Variants in NUP155 observed in about 807,000 individuals in gnomAD.
NUP155 encodes nuclear pore complex protein Nup155.
NUP155 carries 71 observed loss-of-function variants against 180.4 expected under a neutral mutation model. The ratio of observed to expected loss-of-function variants is 0.39; its 90% CI spans 0.33 to 0.48. NUP155 has a LOEUF of 0.48. Among genes scored for constraint, NUP155 ranks in the 20% least tolerant of loss-of-function variants. NUP155 has a pLI of 0.91. For missense variants in NUP155, 1,553 were observed against 1,648.9 expected, an observed-to-expected ratio of 0.94 and a Z score of 1.01; for synonymous variants, 582 against 559.5, an observed-to-expected ratio of 1.04 and a Z score of -0.57.
At position 37,337,801 on chromosome 5, in the gene NUP155, T is replaced by C. The variant is rs769760663; in HGVS notation, c.1347+17A>G. ...AAATTATATAATAGTTTTTTCAGAA[T>C]TGTCAGGATAACTTACCTGGGTTTC... On this transcript the variant is annotated intron_variant, in intron 12 of 34. Transcript: ENST00000231498. 1.3e-5 allele frequency: 19 copies of C among 1,467,052 alleles called. No individual in the cohort carries two copies. The highest frequency in any genetic ancestry group is 1.8e-5 in the Non-Finnish European group (19 of 1,047,032). The allele number at this position is 1,467,052 out of a possible 1,614,324, so 90.9% of individuals were successfully genotyped here. A position where few individuals can be genotyped will look rare whatever the true frequency, so the allele number is the denominator to read the frequency against.
chr5:37,295,837 G>A (rs1742515081), intron 32 of NUP155, among the ~76,000 whole-genome samples: 1 of 151,292 alleles, frequency 6.6e-6, no homozygotes, highest in Non-Finnish European at 1.5e-5. Flanking sequence ...GAAGTGAGGA[G>A]CCCCTCCGCC....
intron 3 of NUP155, among the ~76,000 whole-genome samples, chr5:37,358,751 G>A (rs1747005158): frequency 6.6e-6 from 1 of 152,134 alleles, no homozygotes; most frequent in Non-Finnish European, 1.5e-5. Flanking sequence ...GGGCACAGTG[G>A]CTCACACCTG....
chr5:37,296,548 G>GC (rs1375896513), intron 32 of NUP155, among the ~76,000 whole-genome samples: 3 of 139,232 alleles, frequency 2.2e-5, no homozygotes, highest in Non-Finnish European at 4.8e-5. Context: ...CACAAACGCT[G>GC]CGGAAGGCAG....
intron 1 of NUP155, among the ~76,000 whole-genome samples, chr5:37,367,109 A>C (rs1034475665): frequency 6.6e-6 from 1 of 151,396 alleles, no homozygotes; most frequent in Non-Finnish European, 1.5e-5. Context: ...GCAGTGGTGC[A>C]ATCACAGCTC....
intron 16 of NUP155, among the ~76,000 whole-genome samples, chr5:37,328,785 G>A (rs924342157): frequency 3.9e-5 from 6 of 152,220 alleles, no homozygotes; most frequent in Admixed American, 1.3e-4. Flanking sequence ...GATTACAGGT[G>A]TGAGCCATTG....
chr5:37,333,015 A>G (rs946557987), intron 13 of NUP155, among the ~76,000 whole-genome samples: 2 of 152,156 alleles, frequency 1.3e-5, no homozygotes, highest in Non-Finnish European at 2.9e-5. Flanking sequence ...TTGACTAATT[A>G]TAAGCTTGTG....
At chr5:37,303,679 C>T (rs964408802) in intron 27 of NUP155, among the ~76,000 whole-genome samples, 1 of 152,176 alleles carries the variant, frequency 6.6e-6, no homozygotes, top group African/African-American at 2.4e-5. Context: ...GGCATGGCGA[C>T]TCATGTCTGT....
At position 37,293,140 on chromosome 5, in the gene NUP155, T is replaced by G. The variant is rs937014838; in HGVS notation, c.3931-155A>C. On this transcript the variant is annotated intron_variant, in intron 33 of 34. Coordinates refer to ENST00000231498, the MANE Select transcript of NUP155 (RefSeq NM_153485.3). The stretch of plus-strand genomic sequence containing the variant: ...GGCTACTAAATTATATATCTGATTA[T>G]AGTTAATATTTCAAACAACATTAAA... 4 of 608,736 alleles carry G rather than the reference T, an allele frequency of 6.6e-6. No homozygotes were observed. The African/African-American group carries it at 7.5e-5, about 11-fold the overall frequency. 37.7% of individuals were successfully genotyped at this position (608,736 alleles called of 1,614,324 possible). A position where few individuals can be genotyped will look rare whatever the true frequency, so the allele number is the denominator to read the frequency against.
chr5:37,348,087 T>C (rs552927532), intron 9 of NUP155, among the ~76,000 whole-genome samples: 2 of 151,596 alleles, frequency 1.3e-5, no homozygotes, highest in African/African-American at 4.8e-5. Flanking sequence ...TGAGCAGAGA[T>C]AGCACCACTG....
chr5:37,358,832 T>C (rs1747015636), intron 3 of NUP155, among the ~76,000 whole-genome samples: 1 of 151,958 alleles, frequency 6.6e-6, no homozygotes, highest in African/African-American at 2.4e-5. Flanking sequence ...TCCTGGCCAA[T>C]GTGGTGAAAC....
At chr5:37,317,667 T>C (rs1243285619) in intron 21 of NUP155, among the ~76,000 whole-genome samples, 2 of 147,992 alleles carry the variant, frequency 1.4e-5, no homozygotes, top group Non-Finnish European at 3.0e-5. Context: ...ATATCCATAT[T>C]ATCCTACTTT....
intron 12 of NUP155, 71 bp from the exon 13 acceptor site, chr5:37,333,704 T>C: frequency 9.2e-7 from 1 of 1,091,542 alleles, no homozygotes; most frequent in East Asian, 2.6e-5. Context: ...AACTACAGAC[T>C]TAATAAAGAA....
chr5:37,338,317 CAAAAAAAAA>C (rs530524699), intron 11 of NUP155, among the ~76,000 whole-genome samples: 1 of 65,058 alleles, frequency 1.5e-5, no homozygotes, highest in Non-Finnish European at 3.7e-5. Flanking sequence ...GATTCCGTCT[CAAAAAAAAA>C]AAAAAAAAAA....
chr5:37,350,118 A>G (rs369576356), intron 7 of NUP155, 42 bp downstream of exon 7: 14 of 1,299,098 alleles, frequency 1.1e-5, no homozygotes, highest in Admixed American at 1.7e-5. Flanking sequence ...ACAATGTGTT[A>G]GAAATTAGTT....
At chr5:37,340,510 G>A (rs573737295) in intron 11 of NUP155, among the ~76,000 whole-genome samples, 1 of 151,742 alleles carries the variant, frequency 6.6e-6, no homozygotes, top group Non-Finnish European at 1.5e-5. Flanking sequence ...ACAAAGCAAC[G>A]GTAATCAAGA....
rs1380094015 is a variant in NUP155, at chr5:37,295,960, G to A, written c.3794-1495C>T. Among the ~76,000 whole-genome samples, 288 of 148,880 alleles carry A rather than the reference G, an allele frequency of 1.9e-3. 2 individuals are homozygous for A. The highest frequency in any genetic ancestry group is 7.0e-3 in the African/African-American group (280 of 40,124). On this transcript the variant is annotated intron_variant, in intron 32 of 34. Coordinates refer to ENST00000231498, the MANE Select transcript of NUP155 (RefSeq NM_153485.3). ...CCCGGCCGCCCCTACTGGGAAGTGA[G>A]GAGCCCCTCTGCCCGGCCAGCCGCC... is the stretch of plus-strand genomic sequence containing the variant.
intron 7 of NUP155, among the ~76,000 whole-genome samples, chr5:37,349,770 A>G (rs1379014282): frequency 1.3e-5 from 2 of 152,132 alleles, no homozygotes; most frequent in African/African-American, 4.8e-5. Flanking sequence ...AAATTATTTC[A>G]CCTGTTGAAA....
intron 1 of NUP155, among the ~76,000 whole-genome samples, chr5:37,367,535 CT>C (rs376801237): frequency 0.16 from 21,830 of 135,462 alleles, 1,556 homozygotes; most frequent in South Asian, 0.2. Flanking sequence ...TTTCTTTTTC[CT>C]TTTTTTTTTT....
intron 24 of NUP155, 22 bp from the exon 25 acceptor site, chr5:37,307,454 A>G (rs746404461): frequency 3.7e-6 from 6 of 1,612,974 alleles, no homozygotes; most frequent in Admixed American, 1.7e-5. Context: ...GAAAAGAATG[A>G]AGACCTATGA....
Sources: gnomAD v4.1 joint callset for allele counts (sites outside exome capture counted in the v4.1 genomes callset) on GRCh38, gnomAD v4.1.1 for gene constraint, MANE v1.5 for transcripts, NCBI Gene and HGNC (gene_info 2026-07-23, HGNC 2026-07-21) for gene names.